PDE4D: variants seen among roughly 807,000 people sequenced by gnomAD.
The protein encoded by PDE4D is phosphodiesterase 4D.
A neutral mutation model predicts 87.4 loss-of-function variants in PDE4D; 24 were observed. That is an observed-to-expected ratio of 0.27 (90% CI 0.20 to 0.39). PDE4D has a LOEUF of 0.39. Among genes scored for constraint, PDE4D ranks in the 10% least tolerant of loss-of-function variants. The pLI, the probability that PDE4D is intolerant of heterozygous loss-of-function variation, is 1.00. For missense variants in PDE4D, 714 were observed against 1,041.0 expected, an observed-to-expected ratio of 0.69 and a Z score of 4.32; for synonymous variants, 384 against 383.2, an observed-to-expected ratio of 1.00 and a Z score of -0.02.
In PDE4D at chr5:60,274,339, CGTTGTT is replaced by C. The variant is rs34740331; in HGVS notation, c.-89-88658_-89-88653del. ...TTGTTGTTATTTGTTTGGTTCTTGT[CGTTGTT>C]GTTGTTGTTGTTGTTGTTGTTGTTT... On this transcript the variant is annotated intron_variant, in intron 1 of 16. Transcript: ENST00000502484. Among the ~76,000 whole-genome samples the C allele has an allele frequency of 5.7e-3, 858 of 150,148 alleles. 6 individuals are homozygous for C. The highest frequency in any genetic ancestry group is 0.019 in the African/African-American group (776 of 40,860).
chr5:59,345,017 G>T (rs1241428119), intron 1 of PDE4D, among the ~76,000 whole-genome samples: 1 of 151,912 alleles, frequency 6.6e-6, no homozygotes, highest in East Asian at 1.9e-4. Flanking sequence ...TCAGTTATGG[G>T]GAGCTTTGGA....
intron 1 of PDE4D, among the ~76,000 whole-genome samples, chr5:59,848,633 T>C (rs1236071682): frequency 1.3e-5 from 2 of 151,984 alleles, no homozygotes; most frequent in Admixed American, 1.3e-4. Flanking sequence ...AAATAACCTA[T>C]AATAACGGTA....
rs111427688 is a variant in PDE4D at position 60,145,947 on chromosome 5, C to T, written c.42+39610G>A. Reference sequence around the variant, plus strand: ...TTACTGAGGAGTCTGGGTGTGGTGGCGCACGCCTGTAATCTCAGCACTTTG... The same window carrying T: ...TTACTGAGGAGTCTGGGTGTGGTGGTGCACGCCTGTAATCTCAGCACTTTG... On this transcript the variant is annotated intron_variant, in intron 2 of 16. Coordinates refer to the PDE4D transcript ENST00000502484. Among the ~76,000 whole-genome samples the T allele has an allele frequency of 7.8e-3, 1,194 of 152,268 alleles. 12 individuals are homozygous for T. The highest frequency in any genetic ancestry group is 0.027 in the African/African-American group (1,125 of 41,534).
chr5:59,700,118 C>T (rs1752353599), intron 1 of PDE4D, among the ~76,000 whole-genome samples: 1 of 152,108 alleles, frequency 6.6e-6, no homozygotes, highest in South Asian at 2.1e-4. Flanking sequence ...TATCCTGTTG[C>T]CAACTAGGAA....
chr5:59,004,437 T>C (rs1377714742), intron 6 of PDE4D, among the ~76,000 whole-genome samples: 2 of 152,178 alleles, frequency 1.3e-5, no homozygotes, highest in Non-Finnish European at 2.9e-5. Context: ...TGCTATGATT[T>C]CTCTTATGGG....
intron 5 of PDE4D, among the ~76,000 whole-genome samples, chr5:59,041,936 G>A (rs1453864836): frequency 2.6e-5 from 4 of 152,286 alleles, no homozygotes; most frequent in South Asian, 2.1e-4. Flanking sequence ...GTGACAGGAG[G>A]AACAATTTAC....
chr5:59,604,561 G>T (rs1228182174), intron 1 of PDE4D, among the ~76,000 whole-genome samples: 1 of 151,988 alleles, frequency 6.6e-6, no homozygotes, highest in South Asian at 2.1e-4. Context: ...CTTAAGGAGA[G>T]TCTATAAATT....
chr5:59,063,599 G>A (rs574884692), intron 5 of PDE4D: 1 of 152,256 alleles, frequency 6.6e-6, no homozygotes, highest in South Asian at 2.1e-4. Flanking sequence ...TTTTTGAGAT[G>A]GGTCAGGGCC....
At chr5:59,262,529 G>C (rs1205438049) in intron 1 of PDE4D, among the ~76,000 whole-genome samples, 3 of 151,766 alleles carry the variant, frequency 2.0e-5, no homozygotes, top group Non-Finnish European at 4.4e-5. Flanking sequence ...AATCGGAAAA[G>C]TTCACAATAC....
At chr5:59,861,056 A>G (rs1382230640) in intron 1 of PDE4D, among the ~76,000 whole-genome samples, 1 of 149,256 alleles carries the variant, frequency 6.7e-6, no homozygotes, top group Non-Finnish European at 1.5e-5. Context: ...TTTTTACTAG[A>G]GATGGAGTTT....
chr5:59,029,660 C>CT (rs70973180), intron 6 of PDE4D, among the ~76,000 whole-genome samples: 111,612 of 150,456 alleles, frequency 0.74, 41,545 homozygotes, highest in Admixed American at 0.8. Flanking sequence ...ATTCCAATGT[C>CT]TTTTTTTTTC....
chr5:59,159,236 C>T (rs185361545), intron 5 of PDE4D, among the ~76,000 whole-genome samples: 41 of 152,212 alleles, frequency 2.7e-4, no homozygotes, highest in African/African-American at 9.6e-4. Context: ...TCAAGCAACC[C>T]TCCTATCTCA....
chr5:60,040,646 A>G (rs1468414826), intron 2 of PDE4D, among the ~76,000 whole-genome samples: 1 of 152,216 alleles, frequency 6.6e-6, no homozygotes, highest in African/African-American at 2.4e-5. Context: ...AAATAAAATG[A>G]CCAATTGTGT....
chr5:59,864,103 C>CAAT lies in PDE4D; in HGVS notation c.455+29062_455+29064dup, dbSNP rs1746670134. On this transcript the variant is annotated intron_variant, in intron 1 of 14. Transcript: ENST00000340635. ...TTCAGAAAAGGATTTGCTTTCTGTT[C>CAAT]AATAACCTCATGGTTCAAGCAGTGC... Among the ~76,000 whole-genome samples, 5 of 152,202 alleles carry CAAT rather than the reference C, an allele frequency of 3.3e-5. No individual in the cohort carries two copies. The South Asian group carries it at 1.0e-3, about 32-fold the overall frequency.
intron 1 of PDE4D, among the ~76,000 whole-genome samples, chr5:59,847,700 A>G (rs1340859975): frequency 1.3e-5 from 2 of 152,052 alleles, no homozygotes; most frequent in Non-Finnish European, 2.9e-5. Context: ...AATTAGGCAA[A>G]CAACCAGGAA....
intron 1 of PDE4D, among the ~76,000 whole-genome samples, chr5:60,374,154 C>G (rs1761252616): frequency 6.6e-6 from 1 of 152,146 alleles, no homozygotes; most frequent in Non-Finnish European, 1.5e-5. Flanking sequence ...AATAGTGCTG[C>G]TACACATTTT....
intron 2 of PDE4D, among the ~76,000 whole-genome samples, chr5:60,051,941 A>T (rs993215271): frequency 2.0e-5 from 3 of 152,220 alleles, no homozygotes; most frequent in African/African-American, 7.2e-5. Flanking sequence ...GAAAATCTAG[A>T]AGAAATGGAT....
chr5:59,395,246 G>A (rs1454170843), intron 1 of PDE4D, among the ~76,000 whole-genome samples: 2 of 152,322 alleles, frequency 1.3e-5, no homozygotes, highest in East Asian at 1.9e-4. Flanking sequence ...AAGGAGGCCT[G>A]CGTGCTTCTG....
At chr5:60,388,932 G>A (rs190696017) in intron 1 of PDE4D, among the ~76,000 whole-genome samples, 3 of 151,954 alleles carry the variant, frequency 2.0e-5, no homozygotes, top group Non-Finnish European at 4.4e-5. Context: ...ACCTCTTATG[G>A]GCAAGTTATG....
Sources: gnomAD v4.1 joint callset for allele counts (sites outside exome capture counted in the v4.1 genomes callset) on GRCh38, gnomAD v4.1.1 for gene constraint, MANE v1.5 for transcripts, NCBI Gene and HGNC (gene_info 2026-07-23, HGNC 2026-07-21) for gene names.